The following FNDC3A variants were observed in gnomAD, a reference collection of about 807,000 sequenced individuals.
The protein encoded by FNDC3A is fibronectin type III domain containing 3A.
In FNDC3A, 32 loss-of-function variants were observed where a neutral mutation model predicts 148.9. That is an observed-to-expected ratio of 0.21 (90% CI 0.16 to 0.29). The LOEUF (loss-of-function observed/expected upper bound fraction) is 0.29. Ranked by LOEUF, FNDC3A falls within the 10% of genes least tolerant of loss-of-function variation. FNDC3A has a pLI of 1.00. For synonymous variants in FNDC3A, 472 were observed against 473.6 expected (o/e 1.00, Z 0.04); for missense variants, 1,191 against 1,452.8 (o/e 0.82, Z 2.93).
In FNDC3A at chr13:49,012,804, A is replaced by AGTGT. The variant is rs535416333; in HGVS notation, c.99+6515_99+6516insGTGT. Among the ~76,000 whole-genome samples, 36 of 36,618 alleles carry AGTGT rather than the reference A, an allele frequency of 9.8e-4. 1 individual carries two copies. The South Asian group carries it at 0.04, about 40-fold the overall frequency. 24.0% of individuals were successfully genotyped at this position (36,618 alleles called of 152,430 possible). A position where few individuals can be genotyped will look rare whatever the true frequency, so the allele number is the denominator to read the frequency against. On this transcript the variant is annotated intron_variant, in intron 2 of 25. Transcript: ENST00000492622. ...ACTTGGGTTTTTATATGCAATTATA[A>AGTGT]ATGTGTGTGTGTGTGTGTGTGTGTG...
rs780573995 is a variant in FNDC3A at position 49,140,457 on chromosome 13, T to C, written c.819+1652T>C. 8.1e-4 allele frequency among the ~76,000 whole-genome samples: 124 copies of C among 152,360 alleles called. 3 individuals carry two copies. The highest frequency in any genetic ancestry group is 3.4e-3 in the Middle Eastern group (1 of 294). On this transcript the variant is annotated intron_variant, in intron 7 of 25. Transcript: ENST00000492622. ...GTTTAATAAGATAGTGAGCCCTGTA[T>C]CATAAAGTAATGCTGATGGTTTTAT...
In FNDC3A at chr13:49,175,558, AT is replaced by A; in HGVS notation, c.1530+21del. ...GAAACTTCAGTAAGTGCAAATATGGATTTTAAATAGTGTATTTAAAACATTT... is the reference window on the plus strand; with the variant it reads ...GAAACTTCAGTAAGTGCAAATATGGATTTAAATAGTGTATTTAAAACATTT... On this transcript the variant is annotated intron_variant, in intron 13 of 25. Transcript: ENST00000492622. 6.4e-7 allele frequency: 1 copy of A among 1,551,346 alleles called. No individual in the cohort carries two copies. Among genetic ancestry groups the A allele is most frequent in the Non-Finnish European group, 8.8e-7 (1 of 1,136,582 alleles).
At chr13:49,088,658 C>T (rs1427075309) in intron 3 of FNDC3A, among the ~76,000 whole-genome samples, 1 of 152,096 alleles carries the variant, frequency 6.6e-6, no homozygotes, top group African/African-American at 2.4e-5. Flanking sequence ...TCTTGATTGC[C>T]CTTCTACAGT....
At chr13:49,148,894 G>A (rs1593660933) in intron 8 of FNDC3A, among the ~76,000 whole-genome samples, 1 of 152,002 alleles carries the variant, frequency 6.6e-6, no homozygotes, top group Admixed American at 6.6e-5. Context: ...GTGTTTTATA[G>A]TTTTATCTTG....
At chr13:49,034,982 A>G (rs1874390432) in intron 2 of FNDC3A, among the ~76,000 whole-genome samples, 1 of 152,028 alleles carries the variant, frequency 6.6e-6, no homozygotes, top group Non-Finnish European at 1.5e-5. Flanking sequence ...ATCAGTTTTT[A>G]AAGAGTGGTA....
chr13:49,018,390 G>A (rs959607125), intron 2 of FNDC3A, among the ~76,000 whole-genome samples: 2 of 151,870 alleles, frequency 1.3e-5, no homozygotes, highest in Non-Finnish European at 2.9e-5. Flanking sequence ...CCAGTTGATC[G>A]CATCGGCTCC....
At chr13:49,040,912 T>C (rs754459145) in intron 2 of FNDC3A, among the ~76,000 whole-genome samples, 2 of 152,220 alleles carry the variant, frequency 1.3e-5, no homozygotes, top group Non-Finnish European at 2.9e-5. Flanking sequence ...TGACATATTT[T>C]ATCTCAGGTA....
At chr13:49,052,350 G>C (rs1875900289) in intron 2 of FNDC3A, among the ~76,000 whole-genome samples, 1 of 152,182 alleles carries the variant, frequency 6.6e-6, no homozygotes, top group South Asian at 2.1e-4. Context: ...TTGCTGTTCA[G>C]ATTCTTTTGT....
At chr13:49,101,926 T>G (rs1188179676) in intron 3 of FNDC3A, among the ~76,000 whole-genome samples, 3 of 152,034 alleles carry the variant, frequency 2.0e-5, no homozygotes, top group Non-Finnish European at 4.4e-5. Flanking sequence ...TACCTGATTT[T>G]AATCATGTTT....
intron 2 of FNDC3A, among the ~76,000 whole-genome samples, chr13:49,023,625 TCA>T (rs1486389405): frequency 6.6e-6 from 1 of 151,926 alleles, no homozygotes; most frequent in Non-Finnish European, 1.5e-5. Flanking sequence ...AAACTCTGAT[TCA>T]GAGTGACTCA....
At chr13:49,184,948 G>T (rs1885490082) in intron 14 of FNDC3A, among the ~76,000 whole-genome samples, 1 of 149,872 alleles carries the variant, frequency 6.7e-6, no homozygotes, top group Admixed American at 6.6e-5. Flanking sequence ...AGAGCATAAG[G>T]GGGAGGGGGG....
intron 1 of FNDC3A, among the ~76,000 whole-genome samples, chr13:48,981,496 G>A (rs1298115732): frequency 6.8e-6 from 1 of 147,664 alleles, no homozygotes; most frequent in Non-Finnish European, 1.5e-5. Flanking sequence ...TTTTTTTTAA[G>A]ACCAGAGTTC....
At chr13:49,168,490 T>C (rs759807049) in intron 9 of FNDC3A, 123 bp from the exon 10 acceptor site, 4 of 586,718 alleles carry the variant, frequency 6.8e-6, no homozygotes, top group Non-Finnish European at 1.1e-5. Flanking sequence ...CTTCTAATAG[T>C]CATATTTTCT....
Position 49,185,967 on chromosome 13 carries a change from A to G in FNDC3A, c.1621A>G (p.Ile541Val), listed in dbSNP as rs1366216963. Reference sequence around the variant, plus strand: ...TGTCTTTCTGTTCTCATCACAGGTTATTGCTTACAACTCAGAAGGTAAAAG... The same window carrying G: ...TGTCTTTCTGTTCTCATCACAGGTTGTTGCTTACAACTCAGAAGGTAAAAG... ...RRSTKYKFKV[I>V]AYNSEGKSNP... is the part of the protein sequence containing the mutation. The change falls in exon 15 of 26, where the codon ATT becomes GTT. Residue 541 changes from isoleucine to valine, a missense_variant. Ile to Val is a conservative substitution (Grantham distance 29, BLOSUM62 3). Transcript: ENST00000492622. 1 of 1,609,820 alleles carries G rather than the reference A, an allele frequency of 6.2e-7. No individual in the cohort carries two copies. The highest frequency in any genetic ancestry group is 2.2e-5 in the East Asian group (1 of 44,748).
chr13:49,040,342 A>C (rs1197389273), intron 2 of FNDC3A, among the ~76,000 whole-genome samples: 1 of 152,200 alleles, frequency 6.6e-6, no homozygotes, highest in Non-Finnish European at 1.5e-5. Flanking sequence ...TCAATTGCCT[A>C]CTCACCCATT....
At chr13:49,135,005 G>A (rs568188420) in intron 5 of FNDC3A, among the ~76,000 whole-genome samples, 13 of 151,244 alleles carry the variant, frequency 8.6e-5, no homozygotes, top group Admixed American at 3.9e-4. Flanking sequence ...ACAGGTGCGC[G>A]CCACCACGCC....
At chr13:49,029,099 A>G (rs1566201442) in intron 2 of FNDC3A, among the ~76,000 whole-genome samples, 1 of 152,204 alleles carries the variant, frequency 6.6e-6, no homozygotes, top group East Asian at 1.9e-4. Flanking sequence ...TTAACCTCCC[A>G]AATAGCTAGG....
At chr13:49,010,548 A>T (rs540699237) in intron 2 of FNDC3A, among the ~76,000 whole-genome samples, 1 of 152,242 alleles carries the variant, frequency 6.6e-6, no homozygotes, top group Non-Finnish European at 1.5e-5. Flanking sequence ...TAAAGAATCT[A>T]AGAAAACACA....
chr13:49,039,923 A>G (rs1377111325), intron 2 of FNDC3A, among the ~76,000 whole-genome samples: 1 of 152,212 alleles, frequency 6.6e-6, no homozygotes, highest in Admixed American at 6.5e-5. Flanking sequence ...CATGTTGGCC[A>G]GGCTGGTCTT....
Sources: allele counts gnomAD v4.1 joint callset (sites outside exome capture counted in the v4.1 genomes callset), GRCh38; gene constraint gnomAD v4.1.1; transcripts MANE v1.5; gene names NCBI Gene and HGNC (gene_info 2026-07-23, HGNC 2026-07-21).